Variants in MTMR10 observed in about 807,000 individuals in gnomAD.
MTMR10 encodes the protein myotubularin-related protein 10.
Under a neutral mutation model 88.1 loss-of-function variants are expected in MTMR10, and 56 were observed. That is an observed-to-expected ratio of 0.64 (90% CI 0.51 to 0.79). MTMR10 has a LOEUF of 0.79. Ranked by LOEUF, MTMR10 falls within the 30% of genes least tolerant of loss-of-function variation. The probability of loss-of-function intolerance (pLI) is 0.00; values close to 1 mark genes in which losing one functional copy is unlikely to be tolerated. For synonymous variants in MTMR10, 380 were observed against 340.9 expected (o/e 1.11, Z -1.26); for missense variants, 883 against 924.7 (o/e 0.95, Z 0.58).
intron 14 of MTMR10, 97 bp downstream of exon 14, chr15:30,947,033 C>T: frequency 7.1e-7 from 1 of 1,399,908 alleles, no homozygotes; most frequent in Non-Finnish European, 9.6e-7. Flanking sequence ...AATTTTAAAT[C>T]ATAAGATTTT....
the MTMR10 span, chr15:30,929,225 CA>C: frequency 5.7e-5 from 92 of 1,612,588 alleles, no homozygotes; most frequent in South Asian, 5.1e-4. Context: ...GACTTGTGCA[CA>C]GACAGCTTCT....
chr15:30,952,063 T>C, intron 11 of MTMR10, 25 bp from the exon 12 acceptor site: 1 of 1,591,904 alleles, frequency 6.3e-7, no homozygotes. Flanking sequence ...GGAAAAGCAG[T>C]GTTAAAAATC....
At chr15:30,973,675 G>T (rs758484980) in intron 5 of MTMR10, among the ~76,000 whole-genome samples, 1 of 152,064 alleles carries the variant, frequency 6.6e-6, no homozygotes, top group East Asian at 1.9e-4. Flanking sequence ...AGACTGGAAC[G>T]GGGGCCATAT....
chr15:30,986,000 A>T (rs2030915463), intron 2 of MTMR10, among the ~76,000 whole-genome samples: 1 of 152,076 alleles, frequency 6.6e-6, no homozygotes, highest in Non-Finnish European at 1.5e-5. Context: ...TTGTCAAAAG[A>T]GGGAGGATGC....
Position 30,974,330 on chromosome 15 carries a change from G to C in MTMR10, c.458C>G (p.Pro153Arg), listed in dbSNP as rs772953384. 1 of 1,601,742 alleles carries C rather than the reference G, an allele frequency of 6.2e-7. No individual in the cohort carries two copies. The highest frequency in any genetic ancestry group is 1.7e-5 in the Admixed American group (1 of 59,214). The change falls in exon 5 of 16, where the codon CCC (proline) becomes CGC (arginine). Residue 153 changes from proline to arginine, a missense_variant. This residue lies in a region of MTMR10 where 414 missense variants were observed against 423.2 expected (regional missense o/e 0.98). Coordinates refer to ENST00000435680, the MANE Select transcript of MTMR10 (RefSeq NM_017762.3). Reference sequence around the variant, plus strand: ...CAGTATTACCTTTTTAGCACTTTCGGGACCTGATTCATCAAAGCGAAATCT... The same window carrying C: ...CAGTATTACCTTTTTAGCACTTTCGCGACCTGATTCATCAAAGCGAAATCT... ...IVRFRFDESG[P>R]ESAKKVCLAI... is the part of the protein sequence containing the mutation.
intron 4 of MTMR10, 120 bp downstream of exon 4, chr15:30,974,811 A>G: frequency 1.5e-6 from 1 of 664,486 alleles, no homozygotes. Flanking sequence ...ACTCAAAAAA[A>G]CGGCAAAAGT....
chr15:30,990,065 G>A (rs1333863390), intron 2 of MTMR10, among the ~76,000 whole-genome samples: 1 of 151,838 alleles, frequency 6.6e-6, no homozygotes, highest in African/African-American at 2.4e-5. Context: ...CATCTCTAAG[G>A]TCACCTATAG....
Position 30,939,309 on chromosome 15 carries a change from C to T in MTMR10, c.*2161G>A, listed in dbSNP as rs567101020. The T allele has an allele frequency of 3.0e-6, 3 of 985,460 alleles. No homozygotes were observed. Among genetic ancestry groups the T allele is most frequent in the African/African-American group, 1.7e-5 (1 of 57,370 alleles). 61.0% of individuals were successfully genotyped at this position (985,460 alleles called of 1,614,324 possible). Reference sequence around the variant, plus strand: ...TTCACCCAGTGCATCAGCATCTGTGCGGCATTCCCTCAGCACGGGCTCTGC... The same window carrying T: ...TTCACCCAGTGCATCAGCATCTGTGTGGCATTCCCTCAGCACGGGCTCTGC... On this transcript the variant is annotated 3_prime_UTR_variant, in exon 16 of 16. Transcript: ENST00000435680.
At position 30,966,080 on chromosome 15, in the gene MTMR10, C is replaced by T. The variant is rs183633742; in HGVS notation, c.565+1840G>A. ...AAGGATATTAAAGGATGTTACCCTA[C>T]GAGGAATCTTAACAAAACTATGGCC... On this transcript the variant is annotated intron_variant, in intron 6 of 15. Transcript: ENST00000435680. 1,124 of 452,568 alleles carry T rather than the reference C, an allele frequency of 2.5e-3. 15 individuals are homozygous for T. Among genetic ancestry groups the T allele is most frequent in the South Asian group, 0.01 (662 of 63,702 alleles). The allele number at this position is 452,568 out of a possible 1,614,324, so 28.0% of individuals were successfully genotyped here. A position where few individuals can be genotyped will look rare whatever the true frequency, so the allele number is the denominator to read the frequency against.
chr15:30,929,960 TATA>T, the MTMR10 span, among the ~76,000 whole-genome samples: 11 of 123,972 alleles, frequency 8.9e-5, no homozygotes, highest in African/African-American at 1.7e-4. Context: ...ATATATATCA[TATA>T]ATATATAAAA....
intron 6 of MTMR10, chr15:30,965,969 T>A: frequency 4.4e-6 from 2 of 450,608 alleles, no homozygotes; most frequent in Non-Finnish European, 8.9e-6. Context: ...CACTCACAAA[T>A]TAATGAATTC....
chr15:30,938,144 A>G (rs2062918007), downstream of MTMR10, among the ~76,000 whole-genome samples: 1 of 151,704 alleles, frequency 6.6e-6, no homozygotes, highest in South Asian at 2.1e-4. Context: ...AGATTGCACC[A>G]CTGCACTCCA....
chr15:30,990,725 T>G lies in MTMR10; in HGVS notation c.121+52A>C, dbSNP rs1393955272. ...ATGATACTAGTCGGCAGAATAATCTTAAACCAAAATACGTTGCTAAAGTAT... is the reference window on the plus strand; with the variant it reads ...ATGATACTAGTCGGCAGAATAATCTGAAACCAAAATACGTTGCTAAAGTAT... On this transcript the variant is annotated intron_variant, in intron 2 of 15. Coordinates refer to ENST00000435680, the MANE Select transcript of MTMR10 (RefSeq NM_017762.3). 4 of 1,511,320 alleles carry G rather than the reference T, an allele frequency of 2.6e-6. No homozygotes were observed. In the East Asian group the frequency reaches 9.2e-5, roughly 35 times the overall value. The allele number at this position is 1,511,320 out of a possible 1,614,324, so 93.6% of individuals were successfully genotyped here.
downstream of MTMR10, among the ~76,000 whole-genome samples, chr15:30,934,408 CATTTA>C (rs951754511): frequency 1.3e-5 from 2 of 152,188 alleles, no homozygotes; most frequent in Admixed American, 6.5e-5. Flanking sequence ...GGAACATTTA[CATTTA>C]ATTTGATTAT....
the MTMR10 span, among the ~76,000 whole-genome samples, chr15:30,923,290 C>T: frequency 3.3e-5 from 5 of 152,172 alleles, no homozygotes. Context: ...TTTACTGAGG[C>T]TGAAATAGCA....
intron 2 of MTMR10, among the ~76,000 whole-genome samples, chr15:30,977,233 C>T (rs560631150): frequency 1.1e-4 from 17 of 152,284 alleles, no homozygotes; most frequent in Non-Finnish European, 2.5e-4. Flanking sequence ...TGCCATACTA[C>T]CTCTCATTAT....
intron 7 of MTMR10, among the ~76,000 whole-genome samples, chr15:30,960,336 T>C (rs1014130418): frequency 2.6e-5 from 4 of 152,196 alleles, no homozygotes; most frequent in African/African-American, 9.7e-5. Context: ...AACCACCTAA[T>C]GAAACATTCT....
At chr15:30,986,522 CT>C (rs897501527) in intron 2 of MTMR10, among the ~76,000 whole-genome samples, 11 of 151,822 alleles carry the variant, frequency 7.2e-5, no homozygotes. Context: ...AACTTAAAAA[CT>C]TTTTTAAAGC....
the MTMR10 span, among the ~76,000 whole-genome samples, chr15:30,933,583 G>A: frequency 1.3e-5 from 2 of 152,138 alleles, no homozygotes; most frequent in African/African-American, 4.8e-5. Flanking sequence ...TACTTGAAAA[G>A]AATGTGTGTT....
Sources: allele counts gnomAD v4.1 joint callset (sites outside exome capture counted in the v4.1 genomes callset), GRCh38; gene constraint gnomAD v4.1.1; regional missense constraint gnomAD v4.1.1; transcripts MANE v1.5; gene names NCBI Gene and HGNC (gene_info 2026-07-23, HGNC 2026-07-21).